The following PTPRT variants were observed in gnomAD, a reference collection of about 807,000 sequenced individuals.
The protein encoded by PTPRT is receptor-type tyrosine-protein phosphatase T.
PTPRT carries 56 observed loss-of-function variants against 176.8 expected under a neutral mutation model. The observed-to-expected ratio is 0.32, with a 90% CI of 0.26 to 0.40. PTPRT has a LOEUF of 0.40. Among genes scored for constraint, PTPRT ranks in the 10% least tolerant of loss-of-function variants. PTPRT has a pLI of 1.00. For missense variants in PTPRT, 1,540 were observed against 1,908.2 expected (o/e 0.81, Z 3.60); for synonymous variants, 783 against 739.0 (o/e 1.06, Z -0.96).
At chr20:43,052,477 T>G in intron 1 of PTPRT, among the ~76,000 whole-genome samples, 1 of 152,360 alleles carries the variant, frequency 6.6e-6, no homozygotes, top group African/African-American at 2.4e-5. Flanking sequence ...CAGGGAGCTT[T>G]CAATCTTGTT....
At chr20:43,103,525 C>A (rs1338951340) in intron 1 of PTPRT, among the ~76,000 whole-genome samples, 1 of 151,838 alleles carries the variant, frequency 6.6e-6, no homozygotes, top group Non-Finnish European at 1.5e-5. Flanking sequence ...GGATTACCAC[C>A]CTTGCCATAA....
At chr20:42,760,873 T>C (rs534423158) in intron 5 of PTPRT, among the ~76,000 whole-genome samples, 57 of 152,340 alleles carry the variant, frequency 3.7e-4, no homozygotes, top group South Asian at 3.1e-3. Flanking sequence ...ATGCTGAAGA[T>C]GTACTCATTA....
intron 2 of PTPRT, among the ~76,000 whole-genome samples, chr20:42,867,977 C>T (rs1381599912): frequency 6.6e-6 from 1 of 152,134 alleles, no homozygotes; most frequent in African/African-American, 2.4e-5. Flanking sequence ...CCACTGCACC[C>T]AGCCTATGTA....
intron 1 of PTPRT, among the ~76,000 whole-genome samples, chr20:42,996,039 C>T (rs1397619489): frequency 6.6e-6 from 1 of 152,060 alleles, no homozygotes; most frequent in Non-Finnish European, 1.5e-5. Context: ...CACTATGTTG[C>T]CCAGGCTGGT....
chr20:42,562,960 A>G (rs2072977191), intron 7 of PTPRT, among the ~76,000 whole-genome samples: 2 of 152,206 alleles, frequency 1.3e-5, no homozygotes, highest in South Asian at 4.1e-4. Context: ...CAAAACAATA[A>G]AAGTGCTAGA....
intron 9 of PTPRT, among the ~76,000 whole-genome samples, chr20:42,413,129 T>C (rs924569301): frequency 6.6e-6 from 1 of 152,136 alleles, no homozygotes; most frequent in African/African-American, 2.4e-5. Flanking sequence ...CGGCACGATA[T>C]TTTTGCCCAA....
chr20:42,271,374 G>C (rs1326633374), intron 13 of PTPRT, among the ~76,000 whole-genome samples: 4 of 152,146 alleles, frequency 2.6e-5, no homozygotes, highest in African/African-American at 4.8e-5. Context: ...GTTACCTCTA[G>C]GGAGTCTTTA....
At chr20:42,979,890 A>T (rs1223867038) in intron 1 of PTPRT, among the ~76,000 whole-genome samples, 1 of 143,802 alleles carries the variant, frequency 7.0e-6, no homozygotes, top group Non-Finnish European at 1.5e-5. Context: ...CCCAAATCTC[A>T]GCCAGAGAAC....
At chr20:42,524,793 TC>T (rs1452504515) in intron 7 of PTPRT, among the ~76,000 whole-genome samples, 3 of 152,278 alleles carry the variant, frequency 2.0e-5, no homozygotes, top group Admixed American at 6.5e-5. Flanking sequence ...CTTCATGTTT[TC>T]CTTTTTTTTC....
chr20:42,930,094 G>A (rs929794786), intron 1 of PTPRT, among the ~76,000 whole-genome samples: 7 of 152,130 alleles, frequency 4.6e-5, no homozygotes, highest in African/African-American at 9.7e-5. Flanking sequence ...TAATCTCTCC[G>A]GACTAGTTTC....
chr20:42,274,156 G>C (rs1831305203), intron 13 of PTPRT, among the ~76,000 whole-genome samples: 1 of 152,230 alleles, frequency 6.6e-6, no homozygotes, highest in African/African-American at 2.4e-5. Context: ...GCATAGGAAA[G>C]AGTTCCAGTC....
intron 15 of PTPRT, among the ~76,000 whole-genome samples, chr20:42,200,434 C>T (rs1446403364): frequency 6.6e-6 from 1 of 152,188 alleles, no homozygotes; most frequent in African/African-American, 2.4e-5. Flanking sequence ...TCTACTATTG[C>T]CAGTGGATCC....
intron 12 of PTPRT, among the ~76,000 whole-genome samples, chr20:42,302,151 C>T (rs2057478687): frequency 1.3e-5 from 2 of 152,054 alleles, no homozygotes; most frequent in African/African-American, 2.4e-5. Context: ...CTAGGGTAAA[C>T]AAAATTTTGT....
the PTPRT span, among the ~76,000 whole-genome samples, chr20:42,046,675 G>C: frequency 1.3e-5 from 2 of 152,192 alleles, no homozygotes; most frequent in African/African-American, 4.8e-5. Context: ...TTCCAGTGCA[G>C]AGTCTGTAAT....
intron 1 of PTPRT, among the ~76,000 whole-genome samples, chr20:42,920,285 G>T (rs888803771): frequency 6.6e-6 from 1 of 152,158 alleles, no homozygotes; most frequent in Non-Finnish European, 1.5e-5. Flanking sequence ...AACTGAAAAA[G>T]TCAAGCACAA....
chr20:42,951,464 T>C (rs955052609), intron 1 of PTPRT, among the ~76,000 whole-genome samples: 4 of 152,082 alleles, frequency 2.6e-5, no homozygotes, highest in African/African-American at 9.7e-5. Context: ...TTTTCTAAGA[T>C]GTAAATCTAA....
chr20:42,605,127 C>T (rs2073852575), intron 7 of PTPRT, among the ~76,000 whole-genome samples: 4 of 152,198 alleles, frequency 2.6e-5, no homozygotes, highest in Admixed American at 1.3e-4. Flanking sequence ...ATGCAAGGCA[C>T]AGGCCTCTAT....
the PTPRT span, among the ~76,000 whole-genome samples, chr20:42,046,518 G>A: frequency 6.6e-6 from 1 of 152,188 alleles, no homozygotes; most frequent in East Asian, 1.9e-4. Flanking sequence ...GGGCAGGAAG[G>A]AGCAGCTCAT....
In PTPRT at chr20:42,646,882, C is replaced by CTTTTT. The variant is rs1161994908; in HGVS notation, c.1153+30979_1153+30983dup. Among the ~76,000 whole-genome samples the CTTTTT allele has an allele frequency of 5.3e-3, 406 of 76,286 alleles. 65 individuals carry two copies. Among genetic ancestry groups the CTTTTT allele is most frequent in the African/African-American group, 0.028 (374 of 13,370 alleles). The allele number at this position is 76,286 out of a possible 152,430, so 50.0% of individuals were successfully genotyped here. Reference sequence around the variant, plus strand: ...TCTAGAGATCCCAACCTAAGACAGCCTTTTTTTTTTTTTTTTTTTTTTTTT... The same window carrying CTTTTT: ...TCTAGAGATCCCAACCTAAGACAGCCTTTTTTTTTTTTTTTTTTTTTTTTTTTTTT... On this transcript the variant is annotated intron_variant, in intron 7 of 30. Transcript: ENST00000373187.
Sources: gnomAD v4.1 joint callset for allele counts (sites outside exome capture counted in the v4.1 genomes callset) on GRCh38, gnomAD v4.1.1 for gene constraint, MANE v1.5 for transcripts, NCBI Gene and HGNC (gene_info 2026-07-23, HGNC 2026-07-21) for gene names.